The following SGK1 variants were observed in gnomAD, a reference collection of about 807,000 sequenced individuals.
SGK1 encodes serine/threonine-protein kinase Sgk1.
In SGK1, 26 loss-of-function variants were observed where a neutral mutation model predicts 64.2. The ratio of observed to expected loss-of-function variants is 0.40; its 90% confidence interval spans 0.30 to 0.56. The LOEUF is 0.56. Among genes scored for constraint, SGK1 ranks in the 20% least tolerant of loss-of-function variants. The pLI, the probability that SGK1 is intolerant of heterozygous loss-of-function variation, is 0.38. For synonymous variants in SGK1, 265 were observed against 239.7 expected, an observed-to-expected ratio of 1.11 and a Z score of -0.98; for missense variants, 519 against 645.6, an observed-to-expected ratio of 0.80 and a Z score of 2.12.
intron 2 of SGK1, among the ~76,000 whole-genome samples, chr6:134,213,729 G>C (rs931667741): frequency 6.6e-6 from 1 of 152,062 alleles, no homozygotes; most frequent in African/African-American, 2.4e-5. Flanking sequence ...CTGGAGTTTG[G>C]CTCCTGGCTG....
At chr6:134,290,896 G>A (rs1372358999) in intron 1 of SGK1, among the ~76,000 whole-genome samples, 1 of 152,132 alleles carries the variant, frequency 6.6e-6, no homozygotes, top group Admixed American at 6.6e-5. Context: ...ATTGTTTCTA[G>A]CACCTAGCAG....
intron 2 of SGK1, among the ~76,000 whole-genome samples, chr6:134,210,512 A>G (rs1287527727): frequency 1.3e-5 from 2 of 152,066 alleles, no homozygotes; most frequent in Non-Finnish European, 2.9e-5. Context: ...CCTAGAGAAC[A>G]TTACTATATT....
intron 1 of SGK1, among the ~76,000 whole-genome samples, chr6:134,312,919 C>T (rs947809224): frequency 1.6e-4 from 25 of 152,104 alleles, no homozygotes; most frequent in African/African-American, 6.0e-4. Flanking sequence ...ATTATGGGCG[C>T]CTGCCATCAC....
In SGK1 at chr6:134,206,735, C is replaced by T. The variant is rs541454917; in HGVS notation, c.361+621G>A. Among the ~76,000 whole-genome samples the T allele has an allele frequency of 4.0e-5, 6 of 151,376 alleles. No homozygotes were observed. The East Asian group carries it at 1.2e-3, about 30-fold the overall frequency. ...TACAAAAATTATCCAGGCATGGTGG[C>T]TCATGCCTGTAGTCCCAGCTACTTG... On this transcript the variant is annotated intron_variant, in intron 3 of 13. Transcript: ENST00000367858.
chr6:134,258,492 G>C (rs1776716983), intron 2 of SGK1, among the ~76,000 whole-genome samples: 1 of 152,146 alleles, frequency 6.6e-6, no homozygotes, highest in African/African-American at 2.4e-5. Flanking sequence ...ATCACCTGAG[G>C]TCAGGAGTTT....
Position 134,281,853 on chromosome 6 carries a change from G to A in SGK1, c.70-19705C>T, listed in dbSNP as rs140853860. 3.0e-3 allele frequency among the ~76,000 whole-genome samples: 449 copies of A among 152,196 alleles called. 2 individuals carry two copies. The highest frequency in any genetic ancestry group is 9.8e-3 in the African/African-American group (407 of 41,546). ...GAACTGGACTAGGAGAGTTGCTCAC[G>A]TGCCTAATAAGGTTTAACTATATAC... On this transcript the variant is annotated intron_variant, in intron 1 of 13. Coordinates refer to ENST00000367858, the MANE Select transcript of SGK1 (RefSeq NM_001143676.3).
intron 1 of SGK1, among the ~76,000 whole-genome samples, chr6:134,270,230 T>G (rs1244613251): frequency 2.7e-5 from 4 of 147,986 alleles, no homozygotes; most frequent in African/African-American, 9.7e-5. Flanking sequence ...ACCAGGCCTA[T>G]TACTGTCTTT....
intron 2 of SGK1, among the ~76,000 whole-genome samples, chr6:134,247,766 A>C (rs1776546291): frequency 6.6e-6 from 1 of 152,180 alleles, no homozygotes; most frequent in Non-Finnish European, 1.5e-5. Context: ...ACTCTATGTC[A>C]TACAATTTAT....
chr6:134,243,859 A>G (rs766800862), intron 2 of SGK1, among the ~76,000 whole-genome samples: 1 of 152,154 alleles, frequency 6.6e-6, no homozygotes, highest in Non-Finnish European at 1.5e-5. Flanking sequence ...ATTTTTATCT[A>G]TATAGATGGA....
At chr6:134,174,428 C>T (rs1235846357) in intron 4 of SGK1, 83 bp downstream of exon 4, 1 of 981,078 alleles carries the variant, frequency 1.0e-6, no homozygotes, top group East Asian at 2.4e-5. Flanking sequence ...TCTTCGCCTT[C>T]CCGATAAACG....
chr6:134,282,897 G>A (rs940452698), intron 1 of SGK1, among the ~76,000 whole-genome samples: 5 of 151,550 alleles, frequency 3.3e-5, no homozygotes, highest in Admixed American at 3.3e-4. Flanking sequence ...TATTTCTCTG[G>A]AGAACCCTAA....
intron 11 of SGK1, 77 bp downstream of exon 11, chr6:134,171,560 A>G: frequency 6.9e-6 from 7 of 1,019,844 alleles, no homozygotes; most frequent in Non-Finnish European, 4.6e-6. Flanking sequence ...GCAAGACACC[A>G]TGGCCAAGCA....
intron 1 of SGK1, among the ~76,000 whole-genome samples, chr6:134,270,530 C>G (rs1203045344): frequency 6.7e-6 from 1 of 148,346 alleles, no homozygotes; most frequent in African/African-American, 2.4e-5. Flanking sequence ...AAATATTTCT[C>G]TTTAACACGC....
At chr6:134,286,528 G>A (rs1777186675) in intron 1 of SGK1, among the ~76,000 whole-genome samples, 1 of 149,048 alleles carries the variant, frequency 6.7e-6, no homozygotes, top group Non-Finnish European at 1.5e-5. Context: ...GTGCAGTGGC[G>A]CGATCTCGGC....
chr6:134,286,422 C>G (rs1249107793), intron 1 of SGK1, among the ~76,000 whole-genome samples: 1 of 151,976 alleles, frequency 6.6e-6, no homozygotes, highest in African/African-American at 2.4e-5. Context: ...TGCCACTGCA[C>G]TCCAGCGTGG....
At chr6:134,256,101 T>C (rs1776679664) in intron 2 of SGK1, among the ~76,000 whole-genome samples, 1 of 151,414 alleles carries the variant, frequency 6.6e-6, no homozygotes, top group Non-Finnish European at 1.5e-5. Flanking sequence ...TTTTTTTTTT[T>C]GTATTTTGTC....
At chr6:134,225,321 A>G (rs1776156940) in intron 2 of SGK1, among the ~76,000 whole-genome samples, 2 of 148,522 alleles carry the variant, frequency 1.3e-5, no homozygotes, top group African/African-American at 5.0e-5. Context: ...ACTGCACTCC[A>G]GCCTGGGTGA....
At chr6:134,212,667 A>G (rs1775911277) in intron 2 of SGK1, among the ~76,000 whole-genome samples, 1 of 152,218 alleles carries the variant, frequency 6.6e-6, no homozygotes, top group South Asian at 2.1e-4. Flanking sequence ...GACAGCCAGC[A>G]TTATTTCCAC....
intron 11 of SGK1, 174 bp from the exon 12 acceptor site, chr6:134,171,352 GT>G (rs1775018646): frequency 3.1e-6 from 2 of 652,840 alleles, no homozygotes; most frequent in Admixed American, 5.7e-5. Context: ...CAACCCGTGT[GT>G]GTGTTTGTGT....
Sources: gnomAD v4.1 joint callset for allele counts (sites outside exome capture counted in the v4.1 genomes callset) on GRCh38, gnomAD v4.1.1 for gene constraint, MANE v1.5 for transcripts, NCBI Gene and HGNC (gene_info 2026-07-23, HGNC 2026-07-21) for gene names.